The following SRPX2 variants were observed in gnomAD, a reference collection of about 807,000 sequenced individuals.
SRPX2 encodes sushi repeat containing protein X-linked 2.
SRPX2 carries 26 observed loss-of-function variants against 45.3 expected under a neutral mutation model. That is an observed-to-expected ratio of 0.57 (90% CI 0.42 to 0.80). The LOEUF (loss-of-function observed/expected upper bound fraction) is 0.80. Ranked by LOEUF, SRPX2 falls within the 30% of genes least tolerant of loss-of-function variation. The pLI is 0.00. For synonymous variants in SRPX2, 125 were observed against 143.7 expected (o/e 0.87, Z 0.93); for missense variants, 355 against 399.8 (o/e 0.89, Z 0.95).
chrX:100,669,371 T>A lies in SRPX2; in HGVS notation c.1217+2T>A, dbSNP rs1477194587. On this transcript the variant is annotated splice_donor_variant, in intron 10 of 10. Coordinates refer to ENST00000373004, the MANE Select transcript of SRPX2 (RefSeq NM_014467.3). LOFTEE classifies it high-confidence loss of function. ...AGCCAACATCATCGAGGAGCTCAGG[T>A]CCAGGCTGGGAGGCTGCCAAACTTG... The A allele has an allele frequency of 3.5e-6, 3 of 865,793 alleles. No individual in the cohort carries two copies. The highest frequency in any genetic ancestry group is 3.0e-6 in the Non-Finnish European group (2 of 676,764). 71.4% of individuals were successfully genotyped at this position (865,793 alleles called of 1,213,427 possible).
At chrX:100,648,909 C>A (rs193252182) in intron 2 of SRPX2, among the ~76,000 whole-genome samples, 1 of 112,503 alleles carries the variant, frequency 8.9e-6, no homozygotes, top group Admixed American at 9.3e-5. Context: ...GGGGGTCAAG[C>A]AGACCTGGGC....
At chrX:100,655,807 A>T (rs1230484516) in intron 3 of SRPX2, among the ~76,000 whole-genome samples, 1 of 109,004 alleles carries the variant, frequency 9.2e-6, no homozygotes, top group Non-Finnish European at 1.9e-5. Context: ...CCTACCAGAC[A>T]ATTTTGCTAT....
chrX:100,657,648 G>A (rs41293525), intron 3 of SRPX2, among the ~76,000 whole-genome samples: 166 of 110,310 alleles, frequency 1.5e-3, no homozygotes, highest in African/African-American at 4.7e-3. Flanking sequence ...ACTGTGCCTG[G>A]CCTTTTTAAT....
intron 3 of SRPX2, 66 bp from the exon 4 acceptor site, chrX:100,662,110 C>A: frequency 8.8e-7 from 1 of 1,131,489 alleles, no homozygotes; most frequent in South Asian, 1.8e-5. Flanking sequence ...ACCTATTTGT[C>A]TTTTCACCAA....
intron 3 of SRPX2, among the ~76,000 whole-genome samples, chrX:100,657,654 TTAA>T (rs1304126254): frequency 9.0e-6 from 1 of 110,574 alleles, no homozygotes; most frequent in Non-Finnish European, 1.9e-5. Context: ...CCTGGCCTTT[TTAA>T]TAATAGCCAT....
In SRPX2 at chrX:100,669,383, G is replaced by A; in HGVS notation, c.1217+14G>A. 1 of 670,782 alleles carries A rather than the reference G, an allele frequency of 1.5e-6. No individual in the cohort carries two copies. Among genetic ancestry groups the A allele is most frequent in the Non-Finnish European group, 2.1e-6 (1 of 484,955 alleles). 55.3% of individuals were successfully genotyped at this position (670,782 alleles called of 1,213,427 possible). Reference sequence around the variant, plus strand: ...CGAGGAGCTCAGGTCCAGGCTGGGAGGCTGCCAAACTTGGGGGGAGGGGGG... The same window carrying A: ...CGAGGAGCTCAGGTCCAGGCTGGGAAGCTGCCAAACTTGGGGGGAGGGGGG... On this transcript the variant is annotated intron_variant, in intron 10 of 10. Transcript: ENST00000373004.
chrX:100,660,653 C>A lies in SRPX2; in HGVS notation c.164-1523C>A, dbSNP rs182352472. 1.7e-3 allele frequency among the ~76,000 whole-genome samples: 187 copies of A among 111,347 alleles called. 1 individual carries two copies. The Middle Eastern group carries it at 0.018, about 11-fold the overall frequency. On this transcript the variant is annotated intron_variant, in intron 3 of 10. Coordinates refer to ENST00000373004, the MANE Select transcript of SRPX2 (RefSeq NM_014467.3). The stretch of plus-strand genomic sequence containing the variant: ...GACCATTCTAGCCAACAAGGTGAAA[C>A]CCCGTCTCTACTAAAAATACAAAAA...
chrX:100,661,493 C>T (rs1002384785), intron 3 of SRPX2, among the ~76,000 whole-genome samples: 3 of 112,443 alleles, frequency 2.7e-5, no homozygotes, highest in African/African-American at 6.5e-5. Flanking sequence ...TTCTTCTGGC[C>T]GGGCGCAGTG....
chrX:100,660,502 A>C (rs771211213), intron 3 of SRPX2, among the ~76,000 whole-genome samples: 25 of 112,169 alleles, frequency 2.2e-4, no homozygotes, highest in Non-Finnish European at 4.1e-4. Context: ...TTTTGTATGA[A>C]TACACCACAG....
chrX:100,675,490 C>G lies in SRPX2; in HGVS notation c.*4503C>G, dbSNP rs1569366777. The G allele has an allele frequency of 8.9e-6, 1 of 111,820 alleles. No individual in the cohort carries two copies. The highest frequency in any genetic ancestry group is 1.9e-5 in the Non-Finnish European group (1 of 53,178). 9.2% of individuals were successfully genotyped at this position (111,820 alleles called of 1,213,427 possible). A position where few individuals can be genotyped will look rare whatever the true frequency, so the allele number is the denominator to read the frequency against. Reference sequence around the variant, plus strand: ...AAAAGTTAAATTTAAAAGCCAAGTTCCAGAAGTTTATCCAGGTAGAAAATA... The same window carrying G: ...AAAAGTTAAATTTAAAAGCCAAGTTGCAGAAGTTTATCCAGGTAGAAAATA... On this transcript the variant is annotated 3_prime_UTR_variant, in exon 11 of 11. Coordinates refer to ENST00000373004, the MANE Select transcript of SRPX2 (RefSeq NM_014467.3).
At chrX:100,666,023 T>A (rs781211095) in intron 7 of SRPX2, among the ~76,000 whole-genome samples, 83 of 112,389 alleles carry the variant, frequency 7.4e-4, no homozygotes, top group Admixed American at 1.6e-3. Context: ...GCCTGATTCT[T>A]CCTCTTTGCT....
chrX:100,647,645 G>T lies in SRPX2; in HGVS notation c.82+1241G>T, dbSNP rs148794159. Among the ~76,000 whole-genome samples, 10 of 112,481 alleles carry T rather than the reference G, an allele frequency of 8.9e-5. No homozygotes were observed. The East Asian group carries it at 2.8e-3, about 31-fold the overall frequency. Reference sequence around the variant, plus strand: ...CCAGCCAAAGACCACAGGACTAAAGGAGTGGAGATTAGATGGCTCGAAGCC... The same window carrying T: ...CCAGCCAAAGACCACAGGACTAAAGTAGTGGAGATTAGATGGCTCGAAGCC... On this transcript the variant is annotated intron_variant, in intron 2 of 10. Coordinates refer to ENST00000373004, the MANE Select transcript of SRPX2 (RefSeq NM_014467.3).
intron 9 of SRPX2, 96 bp downstream of exon 9, chrX:100,667,503 C>A: frequency 1.9e-6 from 2 of 1,041,122 alleles, no homozygotes; most frequent in Middle Eastern, 2.6e-4. Flanking sequence ...ACCTTACCTA[C>A]TTCCTGAAAC....
In SRPX2 at chrX:100,672,331, CAG is replaced by C. The variant is rs1208451347; in HGVS notation, c.*1345_*1346del. 1 of 112,104 alleles carries C rather than the reference CAG, an allele frequency of 8.9e-6. No homozygotes were observed. Among genetic ancestry groups the C allele is most frequent in the Non-Finnish European group, 1.9e-5 (1 of 53,265 alleles). 9.2% of individuals were successfully genotyped at this position (112,104 alleles called of 1,213,427 possible). A position where few individuals can be genotyped will look rare whatever the true frequency, so the allele number is the denominator to read the frequency against. On this transcript the variant is annotated 3_prime_UTR_variant, in exon 11 of 11. Coordinates refer to ENST00000373004, the MANE Select transcript of SRPX2 (RefSeq NM_014467.3). ...GCAGCCTCTCTCCTTCAGCTTTACT[CAG>C]GGGGTCATCAGTGGATGACTTGAGG...
At position 100,664,879 on chromosome X, in the gene SRPX2, A is replaced by G; in HGVS notation, c.461A>G (p.His154Arg). 8.3e-7 allele frequency: 1 copy of G among 1,210,353 alleles called. No homozygotes were observed. The highest frequency in any genetic ancestry group is 1.1e-6 in the Non-Finnish European group (1 of 894,961). The change falls in exon 5 of 11, where the codon CAC becomes CGC. Residue 154 changes from histidine to arginine, a missense_variant. By Grantham distance (29) the His-to-Arg change is conservative (BLOSUM62 0). Transcript: ENST00000373004. ...RCDYSCSSGY[H>R]LEGDRSRICM... ...GACTACAGCTGTTCCAGTGGCTACC[A>G]CCTGGAAGGTGATCGCAGCCGAATC...
At position 100,674,262 on chromosome X, in the gene SRPX2, G is replaced by A. The variant is rs189280940; in HGVS notation, c.*3275G>A. On this transcript the variant is annotated 3_prime_UTR_variant, in exon 11 of 11. Coordinates refer to ENST00000373004, the MANE Select transcript of SRPX2 (RefSeq NM_014467.3). ...GTGCCACTTTAAAGATGATTTCTCAGTGTTCTCCTTAGATACCAAATACAA... is the reference window on the plus strand; with the variant it reads ...GTGCCACTTTAAAGATGATTTCTCAATGTTCTCCTTAGATACCAAATACAA... 8.9e-6 allele frequency: 1 copy of A among 112,261 alleles called. No individual in the cohort carries two copies. Among genetic ancestry groups the A allele is most frequent in the East Asian group, 2.8e-4 (1 of 3,587 alleles). 9.3% of individuals were successfully genotyped at this position (112,261 alleles called of 1,213,427 possible). A position where few individuals can be genotyped will look rare whatever the true frequency, so the allele number is the denominator to read the frequency against.
At chrX:100,667,055 G>A in intron 8 of SRPX2, 122 bp downstream of exon 8, 2 of 1,036,246 alleles carry the variant, frequency 1.9e-6, no homozygotes, top group Non-Finnish European at 2.6e-6. Flanking sequence ...GTTCTGGGAT[G>A]TGTCTAATTT....
intron 2 of SRPX2, among the ~76,000 whole-genome samples, chrX:100,647,396 T>G (rs1225746307): frequency 8.9e-6 from 1 of 112,890 alleles, no homozygotes; most frequent in East Asian, 2.8e-4. Context: ...AACAGCTGCA[T>G]CAAGCTTTCA....
chrX:100,674,536 G>A lies in SRPX2; in HGVS notation c.*3549G>A, dbSNP rs1569365478. The stretch of plus-strand genomic sequence containing the variant: ...TATTAAAGCACACATACATGTCAGG[G>A]GGGTGGGAAACAAAAGAGCAAGTTA... On this transcript the variant is annotated 3_prime_UTR_variant, in exon 11 of 11. Transcript: ENST00000373004. 1 of 112,256 alleles carries A rather than the reference G, an allele frequency of 8.9e-6. No homozygotes were observed. The highest frequency in any genetic ancestry group is 2.8e-4 in the East Asian group (1 of 3,545). The allele number at this position is 112,256 out of a possible 1,213,427, so 9.3% of individuals were successfully genotyped here.
Sources: allele counts gnomAD v4.1 joint callset (sites outside exome capture counted in the v4.1 genomes callset), GRCh38; gene constraint gnomAD v4.1.1; transcripts MANE v1.5; gene names NCBI Gene and HGNC (gene_info 2026-07-23, HGNC 2026-07-21).